The following PAX2 variants were observed in gnomAD, a reference collection of about 807,000 sequenced individuals.
PAX2 encodes the protein paired box protein Pax-2.
PAX2 carries 9 observed loss-of-function variants against 41.7 expected under a neutral mutation model. The observed-to-expected ratio is 0.22, with a 90% CI of 0.13 to 0.38. The LOEUF is 0.38. Ranked by LOEUF, PAX2 falls within the 10% of genes least tolerant of loss-of-function variation. The pLI is 1.00. For missense variants in PAX2, 418 were observed against 531.6 expected, an observed-to-expected ratio of 0.79 and a Z score of 2.10; for synonymous variants, 221 against 212.7, an observed-to-expected ratio of 1.04 and a Z score of -0.34.
intron 7 of PAX2, among the ~76,000 whole-genome samples, chr10:100,819,329 G>T (rs1431393353): frequency 6.6e-6 from 1 of 152,040 alleles, no homozygotes; most frequent in Non-Finnish European, 1.5e-5. Flanking sequence ...AGCACTTTGG[G>T]AGGCTAAGAC....
At chr10:100,744,311 C>T (rs1845069092), upstream of PAX2, among the ~76,000 whole-genome samples, 1 of 152,080 alleles carries the variant, frequency 6.6e-6, no homozygotes, top group African/African-American at 2.4e-5. Context: ...CCCAGGGAAG[C>T]GGGGGGAGGG....
chr10:100,774,977 C>T (rs977406137), intron 3 of PAX2, among the ~76,000 whole-genome samples: 3 of 152,210 alleles, frequency 2.0e-5, no homozygotes, highest in Admixed American at 6.5e-5. Context: ...GAGCTCTCAT[C>T]GGAAATGGTG....
At chr10:100,817,435 A>G (rs1290358233) in intron 7 of PAX2, among the ~76,000 whole-genome samples, 1 of 152,096 alleles carries the variant, frequency 6.6e-6, no homozygotes, top group Non-Finnish European at 1.5e-5. Context: ...GAAGGAAACC[A>G]CCTCCTGTGA....
chr10:100,744,149 G>T (rs1213692800), upstream of PAX2, among the ~76,000 whole-genome samples: 1 of 152,220 alleles, frequency 6.6e-6, no homozygotes, highest in Non-Finnish European at 1.5e-5. Context: ...TCTCCCCATG[G>T]TATCTGCCGC....
At chr10:100,782,599 C>T (rs1363494468) in intron 5 of PAX2, among the ~76,000 whole-genome samples, 1 of 152,270 alleles carries the variant, frequency 6.6e-6, no homozygotes, top group African/African-American at 2.4e-5. Context: ...CTAGGCCTGA[C>T]AAGACAGTGA....
At chr10:100,802,897 C>G (rs1847615903) in intron 5 of PAX2, among the ~76,000 whole-genome samples, 1 of 152,116 alleles carries the variant, frequency 6.6e-6, no homozygotes, top group African/African-American at 2.4e-5. Flanking sequence ...CTGTTTCAGC[C>G]CAGCTCTGCC....
intron 3 of PAX2, among the ~76,000 whole-genome samples, chr10:100,758,103 AG>A (rs1845700411): frequency 6.6e-6 from 1 of 151,818 alleles, no homozygotes; most frequent in Non-Finnish European, 1.5e-5. Context: ...GGAAAGAGAT[AG>A]AAAGAGAGCA....
intron 5 of PAX2, among the ~76,000 whole-genome samples, chr10:100,798,928 C>T (rs1349867693): frequency 2.6e-5 from 4 of 152,342 alleles, no homozygotes; most frequent in African/African-American, 9.6e-5. Flanking sequence ...GAATGACAAG[C>T]GGGGATATTG....
intron 7 of PAX2, among the ~76,000 whole-genome samples, chr10:100,815,958 G>C (rs898411253): frequency 5.3e-5 from 8 of 152,160 alleles, no homozygotes; most frequent in South Asian, 2.1e-4. Context: ...AAGGGTTTGG[G>C]GTGTCTTAGC....
chr10:100,802,019 T>A (rs1170468492), intron 5 of PAX2, among the ~76,000 whole-genome samples: 1 of 152,208 alleles, frequency 6.6e-6, no homozygotes, highest in Admixed American at 6.5e-5. Context: ...TGTAATGAGT[T>A]CTTGATACTT....
intron 3 of PAX2, among the ~76,000 whole-genome samples, chr10:100,770,992 T>A (rs1255757643): frequency 1.3e-5 from 2 of 152,202 alleles, no homozygotes; most frequent in Non-Finnish European, 2.9e-5. Flanking sequence ...TGGCTTAAGC[T>A]AGTCTTCTCA....
intron 7 of PAX2, among the ~76,000 whole-genome samples, chr10:100,821,922 G>C (rs1241255240): frequency 6.6e-6 from 1 of 152,084 alleles, no homozygotes; most frequent in Non-Finnish European, 1.5e-5. Flanking sequence ...TCCCTAACTC[G>C]ATCCTGTCCT....
chr10:100,829,026 G>T lies in PAX2; in HGVS notation c.*1407G>T, dbSNP rs570097003. ...GAGTCGCCGCTCGCTGGGGGGGAAG[G>T]GGGGGACACAGCTACACGCCCATTA... is the stretch of plus-strand genomic sequence containing the variant. On this transcript the variant is annotated 3_prime_UTR_variant, in exon 10 of 10. Coordinates refer to ENST00000355243, the MANE Select transcript of PAX2 (RefSeq NM_000278.5). 1 of 226,122 alleles carries T rather than the reference G, an allele frequency of 4.4e-6. No individual in the cohort carries two copies. Among genetic ancestry groups the T allele is most frequent in the Non-Finnish European group, 8.8e-6 (1 of 113,704 alleles). 14.0% of individuals were successfully genotyped at this position (226,122 alleles called of 1,614,324 possible).
intron 5 of PAX2, among the ~76,000 whole-genome samples, chr10:100,796,161 C>T (rs1339079933): frequency 2.0e-5 from 3 of 152,136 alleles, no homozygotes; most frequent in African/African-American, 4.8e-5. Context: ...TTGGGAAATA[C>T]CTGGAAGAGA....
intron 7 of PAX2, among the ~76,000 whole-genome samples, chr10:100,816,081 C>T (rs1360754845): frequency 3.3e-5 from 5 of 152,220 alleles, no homozygotes; most frequent in African/African-American, 1.2e-4. Context: ...GGCCCAAAAA[C>T]CTGAACATGC....
intron 3 of PAX2, among the ~76,000 whole-genome samples, chr10:100,774,375 C>A (rs1846312563): frequency 6.6e-6 from 1 of 152,170 alleles, no homozygotes. Context: ...CTTGGGTCTC[C>A]TGTGGATCCT....
intron 3 of PAX2, among the ~76,000 whole-genome samples, chr10:100,777,595 G>A (rs180894208): frequency 6.5e-4 from 99 of 151,766 alleles, no homozygotes; most frequent in African/African-American, 2.2e-3. Context: ...AGATTTCACC[G>A]TGTTGGCCAG....
chr10:100,749,409 C>T (rs1376466680), intron 1 of PAX2: 32 of 1,144,866 alleles, frequency 2.8e-5, no homozygotes, highest in Non-Finnish European at 3.2e-5. Flanking sequence ...CGCTTTCTTA[C>T]GCCCTTTCCG....
chr10:100,738,642 C>G lies in PAX2; in HGVS notation c.25+2909C>G, dbSNP rs367973246. ...GTTTCTTCAATGTATTCGTTATCCG[C>G]GGGTCTAGACCTCCCAGCCCGTCTA... On this transcript the variant is annotated intron_variant, in intron 1 of 9. Transcript: ENST00000679374. Among the ~76,000 whole-genome samples the G allele has an allele frequency of 2.4e-4, 36 of 152,308 alleles. No homozygotes were observed. The East Asian group carries it at 6.6e-3, about 28-fold the overall frequency.
Sources: gnomAD v4.1 joint callset for allele counts (sites outside exome capture counted in the v4.1 genomes callset) on GRCh38, gnomAD v4.1.1 for gene constraint, MANE v1.5 for transcripts, NCBI Gene and HGNC (gene_info 2026-07-23, HGNC 2026-07-21) for gene names.